Variants in TM4SF4 observed in about 807,000 individuals in gnomAD.
TM4SF4 encodes transmembrane 4 L six family member 4.
In TM4SF4, 24 loss-of-function variants were observed where a neutral mutation model predicts 24.1. The observed-to-expected ratio is 1.00, with a 90% CI of 0.72 to 1.40. The LOEUF (loss-of-function observed/expected upper bound fraction) is 1.40, where lower values mean the gene tolerates loss of function less well. Ranked by LOEUF, TM4SF4 falls within the 40% of genes most tolerant of loss-of-function variation. TM4SF4 has a pLI of 0.00. For missense variants in TM4SF4, 254 were observed against 254.2 expected, an observed-to-expected ratio of 1.00 and a Z score of 0.01; for synonymous variants, 113 against 97.0, an observed-to-expected ratio of 1.17 and a Z score of -0.97.
At chr3:149,477,436 CCA>C (rs1282531274) in intron 2 of TM4SF4, among the ~76,000 whole-genome samples, 1 of 152,206 alleles carries the variant, frequency 6.6e-6, no homozygotes, top group Non-Finnish European at 1.5e-5. Context: ...AATGAATTAA[CCA>C]CATTTACTTT....
chr3:149,486,094 T>C (rs1392946078), intron 2 of TM4SF4, among the ~76,000 whole-genome samples: 2 of 152,200 alleles, frequency 1.3e-5, no homozygotes, highest in Non-Finnish European at 2.9e-5. Context: ...TAGAACTCCA[T>C]TATTACATAG....
Position 149,498,884 on chromosome 3 carries a change from G to C in TM4SF4, c.564G>C (p.Gly188=), listed in dbSNP as rs756509127. Residue 188 remains glycine, a synonymous_variant, in exon 4 of 5, where the codon GGG becomes GGC. Coordinates refer to ENST00000305354, the MANE Select transcript of TM4SF4 (RefSeq NM_004617.4). ...ATGGCCTCCTGGGGACCCTCTGTGG[G>C]GACTGCCAGTGTTGTGGCTGCTGTG... is the stretch of plus-strand genomic sequence containing the variant. The part of the protein sequence containing the change: ...VVNGLLGTLC[G]DCQCCGCCGG... 6.2e-7 allele frequency: 1 copy of C among 1,613,924 alleles called. No homozygotes were observed. The highest frequency in any genetic ancestry group is 1.7e-5 in the Admixed American group (1 of 60,016).
intron 3 of TM4SF4, among the ~76,000 whole-genome samples, chr3:149,488,599 G>A (rs1734160533): frequency 6.6e-6 from 1 of 152,162 alleles, no homozygotes. Flanking sequence ...TAAAAATTCA[G>A]TTCCTTAATC....
At chr3:149,494,482 C>T (rs939221354) in intron 3 of TM4SF4, among the ~76,000 whole-genome samples, 2 of 152,076 alleles carry the variant, frequency 1.3e-5, no homozygotes, top group African/African-American at 2.4e-5. Context: ...GAAAATATTG[C>T]ATCTTTATAA....
In TM4SF4 at chr3:149,502,408, A is replaced by AAAAT. The variant is rs574342192; in HGVS notation, c.592-256_592-253dup. Among the ~76,000 whole-genome samples the AAAAT allele has an allele frequency of 1.6e-4, 25 of 152,320 alleles. No homozygotes were observed. In the South Asian group the frequency reaches 4.4e-3, roughly 27 times the overall value. ...AAAAAATTAAAAACAAAATAAAACAAAAATAAATAAATAAAATGTAACTTC... is the reference window on the plus strand; with the variant it reads ...AAAAAATTAAAAACAAAATAAAACAAAAATAAATAAATAAATAAAATGTAACTTC... On this transcript the variant is annotated intron_variant, in intron 4 of 4. Transcript: ENST00000305354.
chr3:149,486,102 T>C (rs1387342404), intron 2 of TM4SF4, among the ~76,000 whole-genome samples: 3 of 152,160 alleles, frequency 2.0e-5, no homozygotes, highest in Non-Finnish European at 2.9e-5. Context: ...CATTATTACA[T>C]AGATTCCAAT....
intron 2 of TM4SF4, among the ~76,000 whole-genome samples, chr3:149,477,278 C>T (rs1733949585): frequency 6.6e-6 from 1 of 151,870 alleles, no homozygotes; most frequent in Admixed American, 6.6e-5. Context: ...TGAGAGCTGA[C>T]AAAAAATATT....
At chr3:149,494,581 G>GA (rs11448800) in intron 3 of TM4SF4, 12,965 of 150,860 alleles carry the variant, frequency 0.086, 1,084 homozygotes, top group East Asian at 0.44. Context: ...TTTCATGTTG[G>GA]AAAAAAAAAG....
In TM4SF4 at chr3:149,476,040, T is replaced by A. The variant is rs1346309529; in HGVS notation, c.264+128T>A. 2.1e-5 allele frequency: 16 copies of A among 745,630 alleles called. No homozygotes were observed. In the East Asian group the frequency reaches 2.2e-4, roughly 10 times the overall value. The allele number at this position is 745,630 out of a possible 1,614,324, so 46.2% of individuals were successfully genotyped here. ...ACTCTGGGAGCAGCTGGTGAAGGGATAAAACTGTGATTTTTCCTGCCAGTG... is the reference window on the plus strand; with the variant it reads ...ACTCTGGGAGCAGCTGGTGAAGGGAAAAAACTGTGATTTTTCCTGCCAGTG... On this transcript the variant is annotated intron_variant, in intron 2 of 4. Transcript: ENST00000305354.
chr3:149,494,633 G>A (rs375715715), intron 3 of TM4SF4: 48 of 152,054 alleles, frequency 3.2e-4, no homozygotes, highest in African/African-American at 1.1e-3. Flanking sequence ...CAGGTGTCAT[G>A]AAAACCACCC....
intron 2 of TM4SF4, among the ~76,000 whole-genome samples, chr3:149,476,143 C>T (rs578074031): frequency 1.2e-4 from 19 of 152,286 alleles, no homozygotes; most frequent in Middle Eastern, 3.4e-3. Context: ...TTTTACAAAC[C>T]GACAGGGATG....
At chr3:149,498,010 TA>T (rs1734343643) in intron 3 of TM4SF4, among the ~76,000 whole-genome samples, 1 of 152,224 alleles carries the variant, frequency 6.6e-6, no homozygotes, top group South Asian at 2.1e-4. Flanking sequence ...CAGTTTCTCC[TA>T]ATTCACAGCT....
At chr3:149,477,976 A>G (rs1733963909) in intron 2 of TM4SF4, among the ~76,000 whole-genome samples, 1 of 137,156 alleles carries the variant, frequency 7.3e-6, no homozygotes, top group Admixed American at 7.4e-5. Context: ...AAGGCTAAAG[A>G]CTGGCTAATA....
Position 149,474,786 on chromosome 3 carries a change from CA to C in TM4SF4, c.-90del. ...ATACTGATTGAATTGGAGACAATTA[CA>C]AGGACTCTCTGGCCAAAAACCCTTG... On this transcript the variant is annotated 5_prime_UTR_variant, in exon 1 of 5. Transcript: ENST00000305354. 7.3e-7 allele frequency: 1 copy of C among 1,372,362 alleles called. No homozygotes were observed. Among genetic ancestry groups the C allele is most frequent in the Non-Finnish European group, 9.8e-7 (1 of 1,015,902 alleles). 85.0% of individuals were successfully genotyped at this position (1,372,362 alleles called of 1,614,324 possible).
intron 2 of TM4SF4, among the ~76,000 whole-genome samples, chr3:149,483,440 C>A (rs1010765422): frequency 4.6e-5 from 7 of 151,230 alleles, no homozygotes; most frequent in African/African-American, 1.7e-4. Context: ...CACAGTGAGA[C>A]CCCATCTCTA....
At chr3:149,479,264 A>T (rs897100270) in intron 2 of TM4SF4, among the ~76,000 whole-genome samples, 1 of 151,870 alleles carries the variant, frequency 6.6e-6, no homozygotes, top group Non-Finnish European at 1.5e-5. Flanking sequence ...TGCCCCTAAG[A>T]CCATTGAGCT....
At position 149,477,032 on chromosome 3, in the gene TM4SF4, T is replaced by C. The variant is rs977999632; in HGVS notation, c.264+1120T>C. On this transcript the variant is annotated intron_variant, in intron 2 of 4. Transcript: ENST00000305354. ...CTAGGCTGGTCTCAAACTCCCGGAC[T>C]CAAGCAATCCGCCCACCTGAGCCTC... 5.3e-5 allele frequency among the ~76,000 whole-genome samples: 8 copies of C among 152,174 alleles called. No individual in the cohort carries two copies. In the South Asian group the frequency reaches 1.7e-3, roughly 32 times the overall value.
intron 4 of TM4SF4, among the ~76,000 whole-genome samples, chr3:149,500,985 C>G (rs1470375050): frequency 6.7e-6 from 1 of 148,752 alleles, no homozygotes; most frequent in Non-Finnish European, 1.5e-5. Flanking sequence ...GATCTTGCCC[C>G]TGCACTGCAC....
At chr3:149,494,745 A>G (rs1368406577) in intron 3 of TM4SF4, 1 of 152,466 alleles carries the variant, frequency 6.6e-6, no homozygotes, top group Non-Finnish European at 1.5e-5. Flanking sequence ...CAACTGATCG[A>G]CAAACATGAT....
Sources: allele counts gnomAD v4.1 joint callset (sites outside exome capture counted in the v4.1 genomes callset), GRCh38; gene constraint gnomAD v4.1.1; transcripts MANE v1.5; gene names NCBI Gene and HGNC (gene_info 2026-07-23, HGNC 2026-07-21).